SMAD2: variants seen among roughly 807,000 people sequenced by gnomAD.
The protein encoded by SMAD2 is SMAD family member 2.
A neutral mutation model predicts 64.4 loss-of-function variants in SMAD2; 8 were observed. That is an observed-to-expected ratio of 0.12 (90% CI 0.07 to 0.22). SMAD2 has a LOEUF of 0.22. Ranked by LOEUF, SMAD2 falls within the 10% of genes least tolerant of loss-of-function variation. The probability of loss-of-function intolerance (pLI) is 1.00; values close to 1 mark genes in which losing one functional copy is unlikely to be tolerated. For synonymous variants in SMAD2, 203 were observed against 195.8 expected, an observed-to-expected ratio of 1.04 and a Z score of -0.31; for missense variants, 289 against 561.2, an observed-to-expected ratio of 0.51 and a Z score of 4.90.
At position 47,833,286 on chromosome 18, in the gene SMAD2, A is replaced by C. The variant is rs919676476; in HGVS notation, c.*8541T>G. ...ACATGTAAGCAATGTTTTCTTAAGCAGAACTTTTTTTGTACTTTAAATAGA... is the reference window on the plus strand; with the variant it reads ...ACATGTAAGCAATGTTTTCTTAAGCCGAACTTTTTTTGTACTTTAAATAGA... On this transcript the variant is annotated 3_prime_UTR_variant, in exon 11 of 11. Coordinates refer to ENST00000262160, the MANE Select transcript of SMAD2 (RefSeq NM_005901.6). 9.2e-6 allele frequency: 2 copies of C among 218,068 alleles called. No individual in the cohort carries two copies. The highest frequency in any genetic ancestry group is 3.7e-4 in the South Asian group (2 of 5,414). 13.5% of individuals were successfully genotyped at this position (218,068 alleles called of 1,614,324 possible).
intron 1 of SMAD2, among the ~76,000 whole-genome samples, chr18:47,921,632 A>C (rs1243395061): frequency 6.6e-6 from 1 of 152,148 alleles, no homozygotes; most frequent in East Asian, 1.9e-4. Flanking sequence ...ATGATACCAG[A>C]ACACTTTTCA....
At chr18:47,868,506 T>C (rs201869291) in intron 4 of SMAD2, 49 bp from the exon 5 acceptor site, 2 of 1,533,674 alleles carry the variant, frequency 1.3e-6, no homozygotes, top group Non-Finnish European at 1.8e-6. Flanking sequence ...CAAAGGGGAG[T>C]GGGGGAACCT....
At chr18:47,850,723 A>G (rs1479886510) in intron 7 of SMAD2, among the ~76,000 whole-genome samples, 1 of 28,686 alleles carries the variant, frequency 3.5e-5, no homozygotes, top group African/African-American at 1.5e-4. Flanking sequence ...TATATATTAT[A>G]TATATTATGT....
chr18:47,841,480 A>G lies in SMAD2; in HGVS notation c.*347T>C, dbSNP rs544898179. Reference sequence around the variant, plus strand: ...CTATGCAAACTAAAAATGTATATAAACAGCACAATACTGTGATACTGGATC... The same window carrying G: ...CTATGCAAACTAAAAATGTATATAAGCAGCACAATACTGTGATACTGGATC... On this transcript the variant is annotated 3_prime_UTR_variant, in exon 11 of 11. Coordinates refer to ENST00000262160, the MANE Select transcript of SMAD2 (RefSeq NM_005901.6). 1 of 398,244 alleles carries G rather than the reference A, an allele frequency of 2.5e-6. No homozygotes were observed. Among genetic ancestry groups the G allele is most frequent in the East Asian group, 4.0e-5 (1 of 24,894 alleles). 24.7% of individuals were successfully genotyped at this position (398,244 alleles called of 1,614,324 possible). A position where few individuals can be genotyped will look rare whatever the true frequency, so the allele number is the denominator to read the frequency against.
chr18:47,842,578 C>T (rs998518908), intron 10 of SMAD2, among the ~76,000 whole-genome samples: 5 of 151,958 alleles, frequency 3.3e-5, no homozygotes, highest in Non-Finnish European at 4.4e-5. Context: ...AAAGGAGACA[C>T]GTGAATCAGG....
At chr18:47,914,131 T>C (rs2034246873) in intron 1 of SMAD2, among the ~76,000 whole-genome samples, 2 of 152,214 alleles carry the variant, frequency 1.3e-5, no homozygotes, top group South Asian at 2.1e-4. Context: ...GCATACTCTT[T>C]CCAGAGTCCT....
chr18:47,891,705 G>T (rs2033203087), intron 2 of SMAD2, among the ~76,000 whole-genome samples: 2 of 151,624 alleles, frequency 1.3e-5, no homozygotes, highest in Admixed American at 6.6e-5. Flanking sequence ...TACACTTTTT[G>T]AAGGCAAAAA....
rs1222284337 is a variant in SMAD2 at position 47,850,463 on chromosome 18, C to T, written c.784+811G>A. ...TGTATAATATATATTATATATTATA[C>T]ATAATATATATTATATATTATATAT... On this transcript the variant is annotated intron_variant, in intron 7 of 10. Transcript: ENST00000262160. Among the ~76,000 whole-genome samples, 33 of 7,310 alleles carry T rather than the reference C, an allele frequency of 4.5e-3. 4 individuals are homozygous for T. Among genetic ancestry groups the T allele is most frequent in the African/African-American group, 0.011 (20 of 1,902 alleles). 4.8% of individuals were successfully genotyped at this position (7,310 alleles called of 152,430 possible).
rs1912639119 is a variant in SMAD2, at chr18:47,823,391, T to G, written c.*18436A>C. The G allele has an allele frequency of 6.6e-6, 1 of 152,180 alleles. No homozygotes were observed. 9.4% of individuals were successfully genotyped at this position (152,180 alleles called of 1,614,324 possible). On this transcript the variant is annotated 3_prime_UTR_variant, in exon 11 of 11. Transcript: ENST00000262160. The stretch of plus-strand genomic sequence containing the variant: ...CTTTAAGTTTCTGAAGAAAGCTATA[T>G]GTACCTGTTATTAGATCACAGCTCT...
intron 6 of SMAD2, among the ~76,000 whole-genome samples, chr18:47,856,719 G>C (rs558322952): frequency 2.6e-5 from 4 of 152,132 alleles, no homozygotes; most frequent in African/African-American, 9.6e-5. Context: ...TCATTTTCTA[G>C]CTATTTTTTA....
chr18:47,861,312 G>A (rs2031170649), intron 6 of SMAD2, among the ~76,000 whole-genome samples: 1 of 151,972 alleles, frequency 6.6e-6, no homozygotes, highest in South Asian at 2.1e-4. Context: ...CAACAAGAGT[G>A]AAACTCCTTC....
rs543288932 is a variant in SMAD2, at chr18:47,921,119, T to C, written c.-54+9242A>G. ...TTGCAGTGAGCTGTGATCACACCAC[T>C]GCACTCCAGCCTGGGTGACAGAGTG... On this transcript the variant is annotated intron_variant, in intron 1 of 10. Coordinates refer to ENST00000262160, the MANE Select transcript of SMAD2 (RefSeq NM_005901.6). Among the ~76,000 whole-genome samples, 17 of 152,250 alleles carry C rather than the reference T, an allele frequency of 1.1e-4. No homozygotes were observed. The East Asian group carries it at 2.9e-3, about 26-fold the overall frequency.
Position 47,869,450 on chromosome 18 carries a change from AG to A in SMAD2, c.327-15del. ...CCATCAAGAGACCTGTTGGGAAGCA[AG>A]GGGAAAAGAAAGGAGGGAACTTTAA... is the stretch of plus-strand genomic sequence containing the variant. On this transcript the variant is annotated splice_polypyrimidine_tract_variant and intron_variant, in intron 3 of 10. Coordinates refer to ENST00000262160, the MANE Select transcript of SMAD2 (RefSeq NM_005901.6). The A allele has an allele frequency of 1.9e-6, 3 of 1,596,946 alleles. No individual in the cohort carries two copies. The highest frequency in any genetic ancestry group is 2.6e-6 in the Non-Finnish European group (3 of 1,168,606).
chr18:47,824,899 T>A lies in SMAD2; in HGVS notation c.*16928A>T, dbSNP rs1214617817. 3 of 152,238 alleles carry A rather than the reference T, an allele frequency of 2.0e-5. No homozygotes were observed. Among genetic ancestry groups the A allele is most frequent in the Non-Finnish European group, 4.4e-5 (3 of 68,042 alleles). The allele number at this position is 152,238 out of a possible 1,614,324, so 9.4% of individuals were successfully genotyped here. A position where few individuals can be genotyped will look rare whatever the true frequency, so the allele number is the denominator to read the frequency against. On this transcript the variant is annotated 3_prime_UTR_variant, in exon 11 of 11. Transcript: ENST00000262160. The stretch of plus-strand genomic sequence containing the variant: ...TGGCTTACTGCATTTTAGATTTTCC[T>A]TATGATTTTAGTAGCTTTCTCTAAT...
At chr18:47,876,513 T>C (rs1326352336) in intron 2 of SMAD2, among the ~76,000 whole-genome samples, 1 of 152,052 alleles carries the variant, frequency 6.6e-6, no homozygotes, top group Admixed American at 6.6e-5. Flanking sequence ...TTCTTGCTTA[T>C]ATATCTAGCT....
In SMAD2 at chr18:47,868,274, C is replaced by A. The variant is rs745572993; in HGVS notation, c.655+49G>T. The A allele has an allele frequency of 9.1e-6, 14 of 1,531,486 alleles. No individual in the cohort carries two copies. In the South Asian group the frequency reaches 1.6e-4, roughly 17 times the overall value. 94.9% of individuals were successfully genotyped at this position (1,531,486 alleles called of 1,614,324 possible). ...TTACTAAAACTTGAATGCTTATGAACAAAATTTGTATCTATCCAAGTTTTA... is the reference window on the plus strand; with the variant it reads ...TTACTAAAACTTGAATGCTTATGAAAAAAATTTGTATCTATCCAAGTTTTA... On this transcript the variant is annotated intron_variant, in intron 5 of 10. Coordinates refer to ENST00000262160, the MANE Select transcript of SMAD2 (RefSeq NM_005901.6).
rs370059760 is a variant in SMAD2 at position 47,819,916 on chromosome 18, TTG to T, written c.*21909_*21910del. 6.6e-6 allele frequency: 1 copy of T among 152,014 alleles called. No individual in the cohort carries two copies. Among genetic ancestry groups the T allele is most frequent in the African/African-American group, 2.4e-5 (1 of 41,330 alleles). 9.4% of individuals were successfully genotyped at this position (152,014 alleles called of 1,614,324 possible). On this transcript the variant is annotated 3_prime_UTR_variant, in exon 11 of 11. Coordinates refer to ENST00000262160, the MANE Select transcript of SMAD2 (RefSeq NM_005901.6). Reference sequence around the variant, plus strand: ...TACTCAGGAAACGGAGGCAGGAGGATTGTGTGAGTTGGAGTTTGAGGCTGCAG... The same window carrying T: ...TACTCAGGAAACGGAGGCAGGAGGATTGTGAGTTGGAGTTTGAGGCTGCAG...
chr18:47,885,955 C>G (rs1413196252), intron 2 of SMAD2, among the ~76,000 whole-genome samples: 1 of 152,184 alleles, frequency 6.6e-6, no homozygotes, highest in Non-Finnish European at 1.5e-5. Context: ...GAGCCAGACG[C>G]TGTCTCCCCA....
chr18:47,911,089 C>T (rs921213096), intron 1 of SMAD2, among the ~76,000 whole-genome samples: 4 of 151,822 alleles, frequency 2.6e-5, no homozygotes, highest in African/African-American at 7.3e-5. Flanking sequence ...TGGTGGCTCA[C>T]GCCTGTAATC....
Sources: allele counts gnomAD v4.1 joint callset (sites outside exome capture counted in the v4.1 genomes callset), GRCh38; gene constraint gnomAD v4.1.1; transcripts MANE v1.5; gene names NCBI Gene and HGNC (gene_info 2026-07-23, HGNC 2026-07-21).